NRXN3: variants seen among roughly 807,000 people sequenced by gnomAD.
The protein encoded by NRXN3 is neurexin III.
In NRXN3, 32 loss-of-function variants were observed where a neutral mutation model predicts 137.6. That is an observed-to-expected ratio of 0.23 (90% CI 0.18 to 0.31). The LOEUF (loss-of-function observed/expected upper bound fraction) is 0.31, where lower values mean the gene tolerates loss of function less well. Among genes scored for constraint, NRXN3 ranks in the 10% least tolerant of loss-of-function variants. The pLI, the probability that NRXN3 is intolerant of heterozygous loss-of-function variation, is 1.00. For synonymous variants in NRXN3, 798 were observed against 784.5 expected (o/e 1.02, Z -0.29); for missense variants, 1,574 against 2,062.5 (o/e 0.76, Z 4.59).
At chr14:78,570,014 T>C (rs2096875158) in intron 4 of NRXN3, among the ~76,000 whole-genome samples, 1 of 152,240 alleles carries the variant, frequency 6.6e-6, no homozygotes. Flanking sequence ...GAAAATTTCC[T>C]CATTTGAAAA....
At chr14:78,457,249 G>T (rs1224770989) in intron 4 of NRXN3, among the ~76,000 whole-genome samples, 1 of 152,110 alleles carries the variant, frequency 6.6e-6, no homozygotes, top group Non-Finnish European at 1.5e-5. Context: ...ATGTTGGCCA[G>T]GCTGGTCTCG....
chr14:78,504,989 G>T (rs893889197), intron 4 of NRXN3, among the ~76,000 whole-genome samples: 1 of 152,014 alleles, frequency 6.6e-6, no homozygotes, highest in African/African-American at 2.4e-5. Flanking sequence ...CTGAGCCTTT[G>T]CCCTAAGGTT....
intron 4 of NRXN3, among the ~76,000 whole-genome samples, chr14:78,552,408 G>A (rs1219193891): frequency 6.6e-6 from 1 of 152,140 alleles, no homozygotes; most frequent in Non-Finnish European, 1.5e-5. Context: ...AAGGGAGAAG[G>A]GCTATTCAGC....
chr14:79,409,617 C>CTATATATATATATATATA (rs796485268), intron 15 of NRXN3, among the ~76,000 whole-genome samples: 3 of 112,114 alleles, frequency 2.7e-5, no homozygotes, highest in Non-Finnish European at 5.6e-5. Flanking sequence ...GTGTGTGTGT[C>CTATATATATATATATATA]TATATATATA....
chr14:79,598,197 C>T lies in NRXN3; in HGVS notation c.3445-65581C>T, dbSNP rs1455265129. On this transcript the variant is annotated intron_variant, in intron 16 of 20. Coordinates refer to ENST00000335750, the MANE Select transcript of NRXN3 (RefSeq NM_001330195.2). ...TTGCAAGGATAGATGAACTCACTAT[C>T]GTCTTTGCAGTATAGTATCGTTGGT... Among the ~76,000 whole-genome samples the T allele has an allele frequency of 2.6e-5, 4 of 152,126 alleles. No individual in the cohort carries two copies. The East Asian group carries it at 5.8e-4, about 22-fold the overall frequency.
intron 18 of NRXN3, among the ~76,000 whole-genome samples, chr14:79,692,921 G>A (rs1455331306): frequency 1.3e-5 from 2 of 151,962 alleles, no homozygotes; most frequent in East Asian, 1.9e-4. Flanking sequence ...TTTACACTTC[G>A]GTTGTGTGCA....
At chr14:78,498,649 C>G (rs2095829924) in intron 4 of NRXN3, among the ~76,000 whole-genome samples, 1 of 152,074 alleles carries the variant, frequency 6.6e-6, no homozygotes, top group African/African-American at 2.4e-5. Flanking sequence ...CATCTTAGTG[C>G]AAAGGCAATG....
At chr14:79,146,806 ATTTG>A (rs756936284) in intron 15 of NRXN3, among the ~76,000 whole-genome samples, 2 of 152,174 alleles carry the variant, frequency 1.3e-5, no homozygotes, top group Non-Finnish European at 2.9e-5. Flanking sequence ...GGAGAAGGAC[ATTTG>A]CAGAAGGAAG....
At chr14:79,026,643 T>G (rs1352813293) in intron 15 of NRXN3, among the ~76,000 whole-genome samples, 1 of 152,124 alleles carries the variant, frequency 6.6e-6, no homozygotes, top group East Asian at 1.9e-4. Context: ...TTTATTTATC[T>G]TGTAATTGAG....
rs58170856 is a variant in NRXN3, at chr14:78,993,834, A to ATTTTTTT, written c.3262+5720_3262+5726dup. 1.8e-3 allele frequency among the ~76,000 whole-genome samples: 123 copies of ATTTTTTT among 67,000 alleles called. 11 individuals are homozygous for ATTTTTTT. The highest frequency in any genetic ancestry group is 3.1e-3 in the Non-Finnish European group (100 of 31,930). 44.0% of individuals were successfully genotyped at this position (67,000 alleles called of 152,430 possible). ...GTTTTCATTGAAGATGAGCCTTGAA[A>ATTTTTTT]TTTTTTTTTTTTTTTTTTTTTTTTT... On this transcript the variant is annotated intron_variant, in intron 15 of 20. Transcript: ENST00000335750.
chr14:79,607,874 T>C (rs1182594009), intron 16 of NRXN3, among the ~76,000 whole-genome samples: 1 of 152,114 alleles, frequency 6.6e-6, no homozygotes, highest in East Asian at 1.9e-4. Flanking sequence ...TCTCACTATG[T>C]TGCCCAGGCT....
At chr14:79,011,449 A>C (rs1012893465) in intron 15 of NRXN3, among the ~76,000 whole-genome samples, 3 of 148,548 alleles carry the variant, frequency 2.0e-5, no homozygotes, top group Non-Finnish European at 4.5e-5. Flanking sequence ...AAAAAAAAAC[A>C]ATTCAAGACT....
chr14:79,810,922 T>C (rs2099230101), intron 20 of NRXN3, among the ~76,000 whole-genome samples: 1 of 152,246 alleles, frequency 6.6e-6, no homozygotes, highest in African/African-American at 2.4e-5. Context: ...TGGCCTTAAA[T>C]ATGATGTTTG....
intron 15 of NRXN3, among the ~76,000 whole-genome samples, chr14:79,192,525 A>G (rs901860090): frequency 1.3e-5 from 2 of 152,130 alleles, no homozygotes; most frequent in Non-Finnish European, 2.9e-5. Flanking sequence ...TATTTTCCAA[A>G]CCAATGCTAT....
intron 4 of NRXN3, among the ~76,000 whole-genome samples, chr14:78,625,914 T>A (rs1358901618): frequency 6.6e-6 from 1 of 152,180 alleles, no homozygotes; most frequent in Non-Finnish European, 1.5e-5. Context: ...CCTCTTTCAA[T>A]GGACAGGTTA....
At chr14:79,451,508 G>C (rs1316520688) in intron 15 of NRXN3, among the ~76,000 whole-genome samples, 2 of 152,146 alleles carry the variant, frequency 1.3e-5, no homozygotes, top group African/African-American at 4.8e-5. Flanking sequence ...ATGGATCATG[G>C]AAATTGGGTC....
chr14:78,369,592 A>G (rs1167142098), intron 4 of NRXN3, among the ~76,000 whole-genome samples: 2 of 152,154 alleles, frequency 1.3e-5, no homozygotes, highest in African/African-American at 4.8e-5. Flanking sequence ...TTTAAATGGA[A>G]TAGTGTATTA....
intron 15 of NRXN3, among the ~76,000 whole-genome samples, chr14:79,316,858 C>CA (rs1277077269): frequency 1.3e-5 from 2 of 151,726 alleles, no homozygotes; most frequent in Non-Finnish European, 2.9e-5. Context: ...AATGCCATAA[C>CA]AAAGAATTAC....
chr14:78,976,990 A>G (rs897158863), intron 14 of NRXN3, among the ~76,000 whole-genome samples: 25 of 152,180 alleles, frequency 1.6e-4, no homozygotes, highest in African/African-American at 5.8e-4. Context: ...TGTCTGTTTC[A>G]TAGGTGACTT....
Sources: gnomAD v4.1 joint callset for allele counts (sites outside exome capture counted in the v4.1 genomes callset) on GRCh38, gnomAD v4.1.1 for gene constraint, MANE v1.5 for transcripts, NCBI Gene and HGNC (gene_info 2026-07-23, HGNC 2026-07-21) for gene names.